TOM1L1: variants seen among roughly 807,000 people sequenced by gnomAD.
TOM1L1 encodes the protein target of myb1 like 1 membrane trafficking protein.
In TOM1L1, 64 loss-of-function variants were observed where a neutral mutation model predicts 63.4. That is an observed-to-expected ratio of 1.01 (90% CI 0.83 to 1.24). The LOEUF is 1.24. Ranked by LOEUF, TOM1L1 falls within the 50% of genes most tolerant of loss-of-function variation. The pLI is 0.00. For synonymous variants in TOM1L1, 166 were observed against 194.4 expected (o/e 0.85, Z 1.22); for missense variants, 536 against 567.0 (o/e 0.95, Z 0.55).
intron 7 of TOM1L1, among the ~76,000 whole-genome samples, chr17:54,929,739 G>GTTT (rs1555610150): frequency 1.0e-5 from 1 of 98,458 alleles, no homozygotes; most frequent in Non-Finnish European, 2.4e-5. Context: ...TAAAAAACAT[G>GTTT]TGTTTTTTTT....
chr17:54,924,926 G>T (rs2048743621), intron 7 of TOM1L1, among the ~76,000 whole-genome samples: 1 of 152,128 alleles, frequency 6.6e-6, no homozygotes, highest in African/African-American at 2.4e-5. Context: ...GGTTTTAAAT[G>T]CCCCTTTATC....
intron 11 of TOM1L1, among the ~76,000 whole-genome samples, chr17:54,946,201 G>C (rs1173404777): frequency 6.6e-6 from 1 of 152,164 alleles, no homozygotes. Flanking sequence ...CACCGTTTTT[G>C]ACATTGTGAC....
intron 3 of TOM1L1, among the ~76,000 whole-genome samples, chr17:54,908,755 T>G (rs1475354908): frequency 6.6e-6 from 1 of 152,132 alleles, no homozygotes; most frequent in East Asian, 1.9e-4. Context: ...CTTGAATGAG[T>G]CAATTGTGAT....
intron 7 of TOM1L1, among the ~76,000 whole-genome samples, chr17:54,929,756 T>C (rs951899765): frequency 1.8e-3 from 266 of 151,704 alleles, no homozygotes; most frequent in African/African-American, 5.6e-3. Context: ...TTTTTTTTTT[T>C]CCCCAACATG....
chr17:54,939,100 G>T, intron 11 of TOM1L1, 80 bp downstream of exon 11: 2 of 980,574 alleles, frequency 2.0e-6, no homozygotes, highest in Non-Finnish European at 3.1e-6. Context: ...ATGGCTGGGC[G>T]CAGTGACTTA....
rs79910724 is a variant in TOM1L1 at position 54,955,601 on chromosome 17, A to T, written c.1371-4965A>T. Among the ~76,000 whole-genome samples the T allele has an allele frequency of 9.7e-3, 1,484 of 152,316 alleles. 20 individuals are homozygous for T. Among genetic ancestry groups the T allele is most frequent in the African/African-American group, 0.034 (1,394 of 41,570 alleles). The stretch of plus-strand genomic sequence containing the variant: ...AGTAAGAATATTGAGCCCTACAGTT[A>T]TACCACGTAGGGAACAAAGCCTGAA... On this transcript the variant is annotated intron_variant, in intron 14 of 15. Coordinates refer to ENST00000575882, the MANE Select transcript of TOM1L1 (RefSeq NM_005486.3).
At chr17:54,938,493 C>CA (rs34581628) in intron 10 of TOM1L1, 9,665 of 70,600 alleles carry the variant, frequency 0.14, 740 homozygotes, top group East Asian at 0.32. Flanking sequence ...GACTCCATCT[C>CA]AAAAAAAAAA....
At position 54,905,571 on chromosome 17, in the gene TOM1L1, AG is replaced by A. The variant is rs752818664; in HGVS notation, c.222+5del. On this transcript the variant is annotated splice_donor_5th_base_variant and intron_variant, in intron 3 of 15. Transcript: ENST00000575882. ...AGAAATCCAACTTACCTTGTCAGTAAGTACTTTAATTTTATAATTAAGACTC... is the reference window on the plus strand; with the variant it reads ...AGAAATCCAACTTACCTTGTCAGTAATACTTTAATTTTATAATTAAGACTC... The A allele has an allele frequency of 1.3e-6, 2 of 1,531,632 alleles. No homozygotes were observed. The highest frequency in any genetic ancestry group is 1.7e-5 in the Admixed American group (1 of 58,024). 94.9% of individuals were successfully genotyped at this position (1,531,632 alleles called of 1,614,324 possible). A position where few individuals can be genotyped will look rare whatever the true frequency, so the allele number is the denominator to read the frequency against.
At chr17:54,958,156 GAAAGT>G (rs2076998442) in intron 14 of TOM1L1, 1 of 152,190 alleles carries the variant, frequency 6.6e-6, no homozygotes, top group Non-Finnish European at 1.5e-5. Context: ...CAAGAGTAAA[GAAAGT>G]TAACAGGGAG....
chr17:54,944,449 CAAAAAA>C (rs34562804), intron 11 of TOM1L1, among the ~76,000 whole-genome samples: 1 of 142,838 alleles, frequency 7.0e-6, no homozygotes, highest in East Asian at 2.1e-4. Flanking sequence ...GACTCTATCT[CAAAAAA>C]AAAAAAAAAT....
In TOM1L1 at chr17:54,914,626, T is replaced by C; in HGVS notation, c.499-13T>C. ...AATTCACATAATAATATTACCATGT[T>C]TCATACTCATAGACTGCTCAAATCT... On this transcript the variant is annotated splice_polypyrimidine_tract_variant and intron_variant, in intron 5 of 15. Coordinates refer to ENST00000575882, the MANE Select transcript of TOM1L1 (RefSeq NM_005486.3). The C allele has an allele frequency of 1.2e-6, 2 of 1,602,778 alleles. No homozygotes were observed. Among genetic ancestry groups the C allele is most frequent in the Non-Finnish European group, 1.7e-6 (2 of 1,170,234 alleles).
chr17:54,928,365 A>C (rs200551547), intron 7 of TOM1L1, among the ~76,000 whole-genome samples: 1 of 134,868 alleles, frequency 7.4e-6, no homozygotes, highest in East Asian at 2.2e-4. Flanking sequence ...ATGGAAAAAA[A>C]CCAAAAAAAA....
intron 3 of TOM1L1, chr17:54,906,681 C>G: frequency 1.2e-6 from 1 of 816,486 alleles, no homozygotes; most frequent in Non-Finnish European, 1.5e-6. Context: ...TTGGTTTAAG[C>G]AATTCTCCTG....
intron 14 of TOM1L1, chr17:54,958,246 GC>G (rs1439416187): frequency 6.6e-6 from 1 of 152,200 alleles, no homozygotes; most frequent in Non-Finnish European, 1.5e-5. Context: ...AGTGCCAGGG[GC>G]AGACAAGTAA....
intron 14 of TOM1L1, among the ~76,000 whole-genome samples, chr17:54,960,149 G>A (rs1439252305): frequency 6.6e-6 from 1 of 152,104 alleles, no homozygotes; most frequent in African/African-American, 2.4e-5. Context: ...GATCACCTGA[G>A]GTCAGGAGTT....
intron 8 of TOM1L1, among the ~76,000 whole-genome samples, chr17:54,933,391 A>G (rs2048895588): frequency 6.6e-6 from 1 of 152,242 alleles, no homozygotes; most frequent in Admixed American, 6.5e-5. Context: ...ACTAATGTGA[A>G]CCAAAAGTAT....
intron 14 of TOM1L1, among the ~76,000 whole-genome samples, chr17:54,958,748 A>AAAAAAGGG (rs372776781): frequency 1.7e-5 from 2 of 118,954 alleles, no homozygotes; most frequent in African/African-American, 3.1e-5. Context: ...AAAAAAAAAA[A>AAAAAAGGG]GGGGTTGTTG....
chr17:54,953,772 G>C lies in TOM1L1; in HGVS notation c.1370+3646G>C, dbSNP rs1390587334. The C allele has an allele frequency of 2.0e-5, 3 of 152,166 alleles. No individual in the cohort carries two copies. In the East Asian group the frequency reaches 5.8e-4, roughly 29 times the overall value. 9.4% of individuals were successfully genotyped at this position (152,166 alleles called of 1,614,324 possible). A position where few individuals can be genotyped will look rare whatever the true frequency, so the allele number is the denominator to read the frequency against. ...CTTTACTATAGACCTTAAAGGAGAT[G>C]TCTACCAGTTGGAAAGGGGGAGTAT... is the stretch of plus-strand genomic sequence containing the variant. On this transcript the variant is annotated intron_variant, in intron 14 of 15. Transcript: ENST00000575882.
At position 54,961,552 on chromosome 17, in the gene TOM1L1, A is replaced by G; in HGVS notation, c.*319A>G. On this transcript the variant is annotated 3_prime_UTR_variant, in exon 16 of 16. Coordinates refer to ENST00000575882, the MANE Select transcript of TOM1L1 (RefSeq NM_005486.3). ...TTCACAGGCCTTCCTACATTTAGAA[A>G]TCGTCACACAGCTGTGATAAGAGTA... 1 of 1,365,082 alleles carries G rather than the reference A, an allele frequency of 7.3e-7. No individual in the cohort carries two copies. Among genetic ancestry groups the G allele is most frequent in the Non-Finnish European group, 9.4e-7 (1 of 1,060,768 alleles). The allele number at this position is 1,365,082 out of a possible 1,614,324, so 84.6% of individuals were successfully genotyped here.
Sources: gnomAD v4.1 joint callset for allele counts (sites outside exome capture counted in the v4.1 genomes callset) on GRCh38, gnomAD v4.1.1 for gene constraint, MANE v1.5 for transcripts, NCBI Gene and HGNC (gene_info 2026-07-23, HGNC 2026-07-21) for gene names.